The following SGCZ variants were observed in gnomAD, a reference collection of about 807,000 sequenced individuals.
SGCZ encodes the protein zeta-sarcoglycan.
Under a neutral mutation model 41.3 loss-of-function variants are expected in SGCZ, and 40 were observed. That is an observed-to-expected ratio of 0.97 (90% CI 0.75 to 1.26). SGCZ has a LOEUF of 1.26. Ranked by LOEUF, SGCZ falls within the 50% of genes most tolerant of loss-of-function variation. SGCZ has a pLI of 0.00. For synonymous variants in SGCZ, 206 were observed against 137.5 expected, an observed-to-expected ratio of 1.50 and a Z score of -3.49; for missense variants, 552 against 369.8, an observed-to-expected ratio of 1.49 and a Z score of -4.04.
chr8:15,179,467 A>T (rs572001049), intron 1 of SGCZ, among the ~76,000 whole-genome samples: 1 of 152,208 alleles, frequency 6.6e-6, no homozygotes, highest in Non-Finnish European at 1.5e-5. Context: ...GTAGGCATTA[A>T]AGGGTTTTCA....
At position 14,753,803 on chromosome 8, in the gene SGCZ, T is replaced by C. The variant is rs533504707; in HGVS notation, c.40-198877A>G. Among the ~76,000 whole-genome samples, 5 of 152,320 alleles carry C rather than the reference T, an allele frequency of 3.3e-5. No individual in the cohort carries two copies. The East Asian group carries it at 9.6e-4, about 29-fold the overall frequency. ...ATGACAGCCAAATCTGGAATTATTATTCTGGATGGAGAAGCCCAGGGTGGA... is the reference window on the plus strand; with the variant it reads ...ATGACAGCCAAATCTGGAATTATTACTCTGGATGGAGAAGCCCAGGGTGGA... On this transcript the variant is annotated intron_variant, in intron 1 of 7. Coordinates refer to ENST00000382080, the MANE Select transcript of SGCZ (RefSeq NM_139167.4).
intron 1 of SGCZ, among the ~76,000 whole-genome samples, chr8:14,685,245 G>A (rs559749004): frequency 4.9e-4 from 75 of 152,154 alleles, no homozygotes; most frequent in Non-Finnish European, 9.4e-4. Flanking sequence ...AAAGGTATAT[G>A]AATAAAACAA....
chr8:14,748,542 A>G (rs1799404455), intron 1 of SGCZ, among the ~76,000 whole-genome samples: 1 of 152,166 alleles, frequency 6.6e-6, no homozygotes, highest in African/African-American at 2.4e-5. Context: ...CTTTTTAAAT[A>G]CAGCCCCAGA....
At chr8:14,309,358 G>T (rs1801451717) in intron 3 of SGCZ, 8 of 1,604,170 alleles carry the variant, frequency 5.0e-6, no homozygotes, top group Non-Finnish European at 6.0e-6. Context: ...GAGGACGATG[G>T]CTAATTACAT....
intron 1 of SGCZ, among the ~76,000 whole-genome samples, chr8:15,145,968 G>T (rs930488359): frequency 4.6e-5 from 7 of 151,628 alleles, no homozygotes; most frequent in Non-Finnish European, 7.3e-5. Context: ...AATGGGTGAG[G>T]GGGTAACAGT....
chr8:15,140,743 A>G (rs1808289776), intron 1 of SGCZ, among the ~76,000 whole-genome samples: 1 of 152,142 alleles, frequency 6.6e-6, no homozygotes, highest in Admixed American at 6.5e-5. Flanking sequence ...AGTTCAGATT[A>G]TACTTTATCT....
chr8:14,459,124 G>C (rs998219483), intron 2 of SGCZ, among the ~76,000 whole-genome samples: 8 of 152,088 alleles, frequency 5.3e-5, no homozygotes, highest in African/African-American at 1.9e-4. Context: ...AATTCTACAT[G>C]GATGAAGCTG....
At chr8:14,984,350 C>A (rs755884989) in intron 1 of SGCZ, among the ~76,000 whole-genome samples, 7 of 152,094 alleles carry the variant, frequency 4.6e-5, no homozygotes, top group Non-Finnish European at 1.0e-4. Context: ...ATCAACAAAT[C>A]ACAAGTCAGT....
intron 1 of SGCZ, among the ~76,000 whole-genome samples, chr8:14,986,110 G>A (rs1443686314): frequency 6.6e-6 from 1 of 152,012 alleles, no homozygotes; most frequent in Non-Finnish European, 1.5e-5. Flanking sequence ...ACATTTTTAA[G>A]TTTGATATTA....
At chr8:14,280,739 T>G (rs1261869460) in intron 3 of SGCZ, among the ~76,000 whole-genome samples, 2 of 151,666 alleles carry the variant, frequency 1.3e-5, no homozygotes, top group East Asian at 3.9e-4. Flanking sequence ...AACGAGGAAG[T>G]TATGTTCTTA....
Position 14,221,665 on chromosome 8 carries a change from G to C in SGCZ, c.424+15927C>G, listed in dbSNP as rs34227627. Among the ~76,000 whole-genome samples the C allele has an allele frequency of 3.9e-5, 6 of 152,094 alleles. No homozygotes were observed. In the South Asian group the frequency reaches 8.3e-4, roughly 21 times the overall value. Reference sequence around the variant, plus strand: ...CAAATAAGAAGTGGGGTCGGGTGTGGTGGCTCATGCCTGGAATCCCAGCAC... The same window carrying C: ...CAAATAAGAAGTGGGGTCGGGTGTGCTGGCTCATGCCTGGAATCCCAGCAC... On this transcript the variant is annotated intron_variant, in intron 4 of 7. Transcript: ENST00000382080.
intron 1 of SGCZ, among the ~76,000 whole-genome samples, chr8:15,009,186 A>C (rs1024727206): frequency 6.6e-6 from 1 of 151,894 alleles, no homozygotes; most frequent in Middle Eastern, 3.2e-3. Context: ...CTGTACAGGA[A>C]GCATGGCTGG....
rs867136585 is a variant in SGCZ, at chr8:14,740,914, C to T, written c.40-185988G>A. 7.9e-5 allele frequency among the ~76,000 whole-genome samples: 12 copies of T among 151,980 alleles called. 1 individual carries two copies. The highest frequency in any genetic ancestry group is 1.6e-4 in the Non-Finnish European group (11 of 67,972). Reference sequence around the variant, plus strand: ...TTCTTCGCCAGCACCCTTAAGATGACATGGATAACTCAGGATAAAGAAAGA... The same window carrying T: ...TTCTTCGCCAGCACCCTTAAGATGATATGGATAACTCAGGATAAAGAAAGA... On this transcript the variant is annotated intron_variant, in intron 1 of 7. Coordinates refer to ENST00000382080, the MANE Select transcript of SGCZ (RefSeq NM_139167.4).
intron 2 of SGCZ, among the ~76,000 whole-genome samples, chr8:14,485,272 C>T (rs972268186): frequency 2.0e-5 from 3 of 152,058 alleles, no homozygotes; most frequent in Admixed American, 2.0e-4. Flanking sequence ...TCCCTCCACC[C>T]CCTGCCCCCG....
At chr8:14,419,700 C>G (rs1427083198) in intron 2 of SGCZ, among the ~76,000 whole-genome samples, 1 of 151,926 alleles carries the variant, frequency 6.6e-6, no homozygotes, top group Non-Finnish European at 1.5e-5. Flanking sequence ...CAACTTACAG[C>G]CTGCTTTTAA....
intron 2 of SGCZ, among the ~76,000 whole-genome samples, chr8:14,373,169 T>G (rs970120907): frequency 6.6e-6 from 1 of 152,170 alleles, no homozygotes; most frequent in African/African-American, 2.4e-5. Context: ...ACTTGCTGAT[T>G]GAGTGCATGA....
rs1254254213 is a variant in SGCZ at position 14,706,932 on chromosome 8, G to T, written c.40-152006C>A. On this transcript the variant is annotated intron_variant, in intron 1 of 7. Transcript: ENST00000382080. Reference sequence around the variant, plus strand: ...AGCCAGAAATTCTTATTATTTAGAAGAAAATTTTCAGATTAATTACAAAAC... The same window carrying T: ...AGCCAGAAATTCTTATTATTTAGAATAAAATTTTCAGATTAATTACAAAAC... Among the ~76,000 whole-genome samples, 5 of 148,846 alleles carry T rather than the reference G, an allele frequency of 3.4e-5. No individual in the cohort carries two copies. The Middle Eastern group carries it at 0.011, about 326-fold the overall frequency.
chr8:14,556,509 G>A (rs1804040259), intron 1 of SGCZ, among the ~76,000 whole-genome samples: 3 of 151,892 alleles, frequency 2.0e-5, no homozygotes, highest in Admixed American at 1.3e-4. Flanking sequence ...CTTTAGTGGT[G>A]ATTTGTGAGA....
chr8:14,412,747 T>A (rs775808322), intron 2 of SGCZ, among the ~76,000 whole-genome samples: 1 of 151,908 alleles, frequency 6.6e-6, no homozygotes, highest in Non-Finnish European at 1.5e-5. Context: ...ATTAAAAAGC[T>A]CACTAATAAT....
Sources: allele counts gnomAD v4.1 joint callset (sites outside exome capture counted in the v4.1 genomes callset), GRCh38; gene constraint gnomAD v4.1.1; transcripts MANE v1.5; gene names NCBI Gene and HGNC (gene_info 2026-07-23, HGNC 2026-07-21).